Variants in SGCD observed in about 807,000 individuals in gnomAD.
SGCD encodes the protein delta-sarcoglycan.
SGCD carries 18 observed loss-of-function variants against 36.6 expected under a neutral mutation model. The ratio of observed to expected loss-of-function variants is 0.49; its 90% CI spans 0.34 to 0.73. The LOEUF is 0.73. Among genes scored for constraint, SGCD ranks in the 30% least tolerant of loss-of-function variants. The probability of loss-of-function intolerance (pLI) is 0.01; values close to 1 mark genes in which losing one functional copy is unlikely to be tolerated. For missense variants in SGCD, 387 were observed against 346.7 expected (o/e 1.12, Z -0.92); for synonymous variants, 133 against 130.6 (o/e 1.02, Z -0.12).
chr5:156,498,931 G>A (rs1756321804), intron 3 of SGCD, among the ~76,000 whole-genome samples: 1 of 104,662 alleles, frequency 9.6e-6, no homozygotes, highest in Admixed American at 9.1e-5. Context: ...CATCATGTGT[G>A]CTACGTGTGT....
At chr5:156,752,839 T>C (rs775816416) in intron 7 of SGCD, among the ~76,000 whole-genome samples, 2 of 152,228 alleles carry the variant, frequency 1.3e-5, no homozygotes, top group East Asian at 1.9e-4. Flanking sequence ...CCAGGTTAGA[T>C]AGAAGAGCAG....
chr5:156,654,002 C>A (rs1220916808), intron 7 of SGCD, among the ~76,000 whole-genome samples: 1 of 152,098 alleles, frequency 6.6e-6, no homozygotes, highest in Non-Finnish European at 1.5e-5. Context: ...AGTTGGGCGC[C>A]TAATGCCAAC....
chr5:156,620,177 C>T (rs943578861), intron 6 of SGCD, among the ~76,000 whole-genome samples: 27 of 152,296 alleles, frequency 1.8e-4, no homozygotes, highest in African/African-American at 6.5e-4. Context: ...TCTGGTTTCT[C>T]ATCGGTAAAA....
intron 3 of SGCD, among the ~76,000 whole-genome samples, chr5:156,289,263 A>C (rs17053396): frequency 0.13 from 19,937 of 152,108 alleles, 3,141 homozygotes; most frequent in African/African-American, 0.38. Context: ...GCTTCCCAAA[A>C]AAAATTGAGC....
At chr5:156,491,789 T>C (rs1391251537) in intron 3 of SGCD, among the ~76,000 whole-genome samples, 1 of 152,142 alleles carries the variant, frequency 6.6e-6, no homozygotes, top group Non-Finnish European at 1.5e-5. Context: ...AGTTATCTTA[T>C]TAGTACCTGT....
chr5:156,123,570 C>T (rs72807765), intron 2 of SGCD, among the ~76,000 whole-genome samples: 2,224 of 152,228 alleles, frequency 0.015, 27 homozygotes, highest in Non-Finnish European at 0.023. Flanking sequence ...TGGAAAATCG[C>T]TTTTGCTCTC....
intron 6 of SGCD, among the ~76,000 whole-genome samples, chr5:156,628,543 G>A (rs1470877059): frequency 6.6e-6 from 1 of 152,178 alleles, no homozygotes; most frequent in Admixed American, 6.5e-5. Context: ...AACATGGGCT[G>A]GGATTTGTTT....
At chr5:156,112,197 A>G (rs528853285) in intron 1 of SGCD, among the ~76,000 whole-genome samples, 43 of 152,316 alleles carry the variant, frequency 2.8e-4, no homozygotes, top group Middle Eastern at 3.4e-3. Flanking sequence ...ATTAAGATAG[A>G]CATTTTTGGA....
chr5:155,931,887 C>A (rs1580997152), intron 1 of SGCD, among the ~76,000 whole-genome samples: 1 of 152,142 alleles, frequency 6.6e-6, no homozygotes, highest in Non-Finnish European at 1.5e-5. Context: ...GATGAGAGGT[C>A]CAAGGCACTG....
intron 3 of SGCD, among the ~76,000 whole-genome samples, chr5:156,259,278 T>C (rs1325596200): frequency 1.3e-5 from 2 of 152,048 alleles, no homozygotes; most frequent in Non-Finnish European, 1.5e-5. Flanking sequence ...ATGATTTGTG[T>C]GCTCAAGTTT....
chr5:156,076,933 G>T (rs1278487917), intron 1 of SGCD, among the ~76,000 whole-genome samples: 1 of 152,102 alleles, frequency 6.6e-6, no homozygotes, highest in Non-Finnish European at 1.5e-5. Context: ...TGTTCACCAT[G>T]GCCTTAAGAT....
intron 3 of SGCD, among the ~76,000 whole-genome samples, chr5:156,301,121 GC>G (rs1259030711): frequency 6.6e-6 from 1 of 151,852 alleles, no homozygotes; most frequent in African/African-American, 2.4e-5. Flanking sequence ...ACTTGCTCCT[GC>G]CATTTTGTTA....
chr5:156,399,999 A>G (rs939013819), intron 3 of SGCD, among the ~76,000 whole-genome samples: 4 of 152,312 alleles, frequency 2.6e-5, no homozygotes, highest in East Asian at 1.9e-4. Context: ...CATAGAGTCT[A>G]TGGAAGTTAA....
At chr5:156,429,684 C>T (rs1580980417) in intron 3 of SGCD, among the ~76,000 whole-genome samples, 1 of 151,722 alleles carries the variant, frequency 6.6e-6, no homozygotes, top group Non-Finnish European at 1.5e-5. Context: ...TTTAGAACTC[C>T]TTTTAGCATT....
intron 3 of SGCD, among the ~76,000 whole-genome samples, chr5:156,185,371 T>C (rs13186876): frequency 0.26 from 38,560 of 149,786 alleles, 5,759 homozygotes; most frequent in Non-Finnish European, 0.33. Flanking sequence ...CCCGCCACCA[T>C]GCCCGGCAAA....
chr5:156,553,282 T>C (rs1758870529), intron 4 of SGCD, among the ~76,000 whole-genome samples: 1 of 152,142 alleles, frequency 6.6e-6, no homozygotes, highest in Non-Finnish European at 1.5e-5. Context: ...AACACGAGGT[T>C]TAGAGGGAAC....
intron 3 of SGCD, among the ~76,000 whole-genome samples, chr5:156,295,699 A>G (rs1296691436): frequency 6.6e-6 from 1 of 152,196 alleles, no homozygotes; most frequent in Admixed American, 6.5e-5. Flanking sequence ...GGCCTAACGC[A>G]TAAATGTTTG....
At chr5:156,640,672 A>G (rs32060) in intron 6 of SGCD, among the ~76,000 whole-genome samples, 36,226 of 152,114 alleles carry the variant, frequency 0.24, 5,181 homozygotes, top group African/African-American at 0.4. Flanking sequence ...TAAGAAAGCC[A>G]GAGCCTATTT....
intron 3 of SGCD, among the ~76,000 whole-genome samples, chr5:156,492,501 C>A (rs912111584): frequency 6.6e-6 from 1 of 152,036 alleles, no homozygotes; most frequent in Non-Finnish European, 1.5e-5. Context: ...AGACAGTCAG[C>A]TTTATTTACC....
Sources: gnomAD v4.1 joint callset for allele counts (sites outside exome capture counted in the v4.1 genomes callset) on GRCh38, gnomAD v4.1.1 for gene constraint, MANE v1.5 for transcripts, NCBI Gene and HGNC (gene_info 2026-07-23, HGNC 2026-07-21) for gene names.